Variants in CACNA2D3 observed in about 807,000 individuals in gnomAD.
The protein encoded by CACNA2D3 is voltage-dependent calcium channel subunit alpha-2/delta-3.
A neutral mutation model predicts 160.6 loss-of-function variants in CACNA2D3; 60 were observed. The ratio of observed to expected loss-of-function variants is 0.37; its 90% CI spans 0.30 to 0.46. The LOEUF is 0.46. Among genes scored for constraint, CACNA2D3 ranks in the 20% least tolerant of loss-of-function variants. CACNA2D3 has a pLI of 1.00. For missense variants in CACNA2D3, 1,205 were observed against 1,365.0 expected (o/e 0.88, Z 1.85); for synonymous variants, 558 against 492.9 (o/e 1.13, Z -1.75).
intron 27 of CACNA2D3, chr3:54,918,791 C>A (rs1387598553): frequency 6.2e-7 from 1 of 1,613,992 alleles, no homozygotes; most frequent in Non-Finnish European, 8.5e-7. Context: ...GGATCAGGAG[C>A]AGGAAGAGGG....
chr3:54,847,416 T>C (rs916024389), intron 17 of CACNA2D3, among the ~76,000 whole-genome samples: 1 of 152,180 alleles, frequency 6.6e-6, no homozygotes, highest in Non-Finnish European at 1.5e-5. Flanking sequence ...CCCACCCATC[T>C]TTTCCCATTC....
At chr3:54,602,662 C>T (rs76060944) in intron 9 of CACNA2D3, among the ~76,000 whole-genome samples, 3,938 of 152,160 alleles carry the variant, frequency 0.026, 106 homozygotes, top group South Asian at 0.089. Context: ...TTAGCTCTGA[C>T]GATAAATATG....
chr3:54,900,778 T>TA (rs1700309908), intron 27 of CACNA2D3, among the ~76,000 whole-genome samples: 2 of 152,314 alleles, frequency 1.3e-5, no homozygotes, highest in African/African-American at 4.8e-5. Flanking sequence ...GGAAGGAGTA[T>TA]AAATGGAGCA....
At chr3:54,130,261 A>G (rs986948676) in intron 2 of CACNA2D3, among the ~76,000 whole-genome samples, 3 of 152,288 alleles carry the variant, frequency 2.0e-5, no homozygotes, top group Middle Eastern at 6.8e-3. Context: ...CATTCAGTCT[A>G]GGAGGCTTCC....
At chr3:55,020,551 C>T (rs1703423780) in intron 35 of CACNA2D3, among the ~76,000 whole-genome samples, 1 of 151,158 alleles carries the variant, frequency 6.6e-6, no homozygotes, top group Non-Finnish European at 1.5e-5. Flanking sequence ...CAGGATGGAC[C>T]TTCATTGTCA....
At position 54,172,521 on chromosome 3, in the gene CACNA2D3, G is replaced by A. The variant is rs1049835892; in HGVS notation, c.204+48927G>A. On this transcript the variant is annotated intron_variant, in intron 2 of 37. Coordinates refer to ENST00000474759, the MANE Select transcript of CACNA2D3 (RefSeq NM_018398.3). ...GACGTAAACCCAGCTGGGCAAGTGC[G>A]GGCCTAGAACCCAATGCTAAGTACA... Among the ~76,000 whole-genome samples, 3 of 152,304 alleles carry A rather than the reference G, an allele frequency of 2.0e-5. No homozygotes were observed. The East Asian group carries it at 5.8e-4, about 29-fold the overall frequency.
chr3:54,727,976 T>A (rs1701309614), intron 11 of CACNA2D3, among the ~76,000 whole-genome samples: 1 of 151,722 alleles, frequency 6.6e-6, no homozygotes, highest in Admixed American at 6.6e-5. Flanking sequence ...TTGTTAGTCT[T>A]ATTGCTTTTT....
chr3:54,473,944 T>C (rs1700782419), intron 4 of CACNA2D3, among the ~76,000 whole-genome samples: 2 of 152,158 alleles, frequency 1.3e-5, no homozygotes, highest in African/African-American at 2.4e-5. Context: ...TTTTACACTA[T>C]TGGTAGGAGT....
At chr3:54,825,759 C>T (rs2106735160) in intron 14 of CACNA2D3, among the ~76,000 whole-genome samples, 1 of 152,272 alleles carries the variant, frequency 6.6e-6, no homozygotes, top group Non-Finnish European at 1.5e-5. Flanking sequence ...TGAGGTAAAT[C>T]AGATTCAATA....
intron 11 of CACNA2D3, among the ~76,000 whole-genome samples, chr3:54,676,752 G>A (rs1178926470): frequency 6.6e-6 from 1 of 152,108 alleles, no homozygotes; most frequent in African/African-American, 2.4e-5. Flanking sequence ...CAATGAGAGG[G>A]GAGAGTGGCT....
At chr3:54,950,382 T>G (rs1250953229) in intron 27 of CACNA2D3, among the ~76,000 whole-genome samples, 3 of 152,198 alleles carry the variant, frequency 2.0e-5, no homozygotes, top group African/African-American at 4.8e-5. Context: ...TCCTTGCTCT[T>G]TTACTCTTTG....
chr3:54,784,830 C>T (rs562395160), intron 13 of CACNA2D3, among the ~76,000 whole-genome samples: 8 of 152,262 alleles, frequency 5.3e-5, no homozygotes, highest in East Asian at 1.9e-4. Flanking sequence ...AAGGATAGCT[C>T]CTATTTAATT....
At chr3:54,866,993 A>G (rs1699415909) in intron 17 of CACNA2D3, among the ~76,000 whole-genome samples, 1 of 151,688 alleles carries the variant, frequency 6.6e-6, no homozygotes, top group South Asian at 2.1e-4. Context: ...GGCACCAAAA[A>G]CTACAAACCT....
intron 27 of CACNA2D3, among the ~76,000 whole-genome samples, chr3:54,915,214 T>C (rs1379831605): frequency 1.3e-5 from 2 of 152,214 alleles, no homozygotes; most frequent in Non-Finnish European, 2.9e-5. Flanking sequence ...TAAAAGCTTT[T>C]CAGATATAAA....
chr3:54,822,739 T>TTTCC (rs1464800783), intron 14 of CACNA2D3, among the ~76,000 whole-genome samples: 2 of 46,412 alleles, frequency 4.3e-5, no homozygotes, highest in African/African-American at 1.1e-4. Flanking sequence ...ATTTTCTTTC[T>TTTCC]TTCTTTCTTT....
At chr3:54,542,136 G>A (rs1046778953) in intron 5 of CACNA2D3, among the ~76,000 whole-genome samples, 4 of 151,496 alleles carry the variant, frequency 2.6e-5, no homozygotes, top group Non-Finnish European at 5.9e-5. Context: ...ATCTCGGCTC[G>A]CTGCAACCTC....
chr3:54,366,116 G>A (rs1698823823), intron 3 of CACNA2D3, among the ~76,000 whole-genome samples: 2 of 152,176 alleles, frequency 1.3e-5, no homozygotes, highest in Admixed American at 6.5e-5. Flanking sequence ...TTTGTCAAAT[G>A]TTGCAGTGCA....
chr3:54,152,689 T>C (rs1700174134), intron 2 of CACNA2D3, among the ~76,000 whole-genome samples: 1 of 152,240 alleles, frequency 6.6e-6, no homozygotes, highest in South Asian at 2.1e-4. Context: ...TGTTTAATAG[T>C]GTTTATGGGA....
chr3:54,446,544 C>CA, intron 4 of CACNA2D3, among the ~76,000 whole-genome samples: 1 of 152,266 alleles, frequency 6.6e-6, no homozygotes, highest in East Asian at 1.9e-4. Flanking sequence ...TCAAGATTAC[C>CA]ACCCAGAATT....
Sources: allele counts gnomAD v4.1 joint callset (sites outside exome capture counted in the v4.1 genomes callset), GRCh38; gene constraint gnomAD v4.1.1; transcripts MANE v1.5; gene names NCBI Gene and HGNC (gene_info 2026-07-23, HGNC 2026-07-21).